Variants in ZNF707 observed in about 807,000 individuals in gnomAD.
The protein encoded by ZNF707 is zinc finger protein 707.
In ZNF707, 8 loss-of-function variants were observed where a neutral mutation model predicts 13.3. That is an observed-to-expected ratio of 0.60 (90% CI 0.35 to 1.09). The LOEUF (loss-of-function observed/expected upper bound fraction) is 1.09. ZNF707 is among the 50% of genes least tolerant of loss of function. ZNF707 has a pLI of 0.02. For synonymous variants in ZNF707, 225 were observed against 205.6 expected (o/e 1.09, Z -0.81); for missense variants, 530 against 512.6 (o/e 1.03, Z -0.33).
At chr8:143,690,783 G>A (rs375186870) in intron 3 of ZNF707, 26 of 463,738 alleles carry the variant, frequency 5.6e-5, no homozygotes, top group African/African-American at 5.1e-4. Context: ...ATTGTGCTGT[G>A]TTCACGCGTG....
chr8:143,691,438 TC>T, intron 4 of ZNF707, 161 bp from the exon 5 acceptor site: 1 of 1,012,700 alleles, frequency 9.9e-7, no homozygotes, highest in Non-Finnish European at 1.4e-6. Flanking sequence ...GGCCTTGGTG[TC>T]CAGGCCCCTC....
Position 143,693,670 on chromosome 8 carries a change from G to C in ZNF707, c.257-1G>C. 1.3e-6 allele frequency: 2 copies of C among 1,573,354 alleles called. No homozygotes were observed. Among genetic ancestry groups the C allele is most frequent in the Non-Finnish European group, 1.7e-6 (2 of 1,161,300 alleles). ...TGTAAGGGTGTCTGTTCCTTCCACA[G>C]GGGCAAGGAAGTCTGCAGACCCCAA... On this transcript the variant is annotated splice_acceptor_variant, in intron 5 of 5. Coordinates refer to ENST00000358656, the MANE Select transcript of ZNF707 (RefSeq NM_001100598.2). LOFTEE classifies it high-confidence loss of function. This position sits in a 1 kb window ranked among gnomAD's most constrained non-coding sequence, Gnocchi z 4.1.
At chr8:143,686,438 T>C (rs1329102310) in intron 1 of ZNF707, among the ~76,000 whole-genome samples, 2 of 152,322 alleles carry the variant, frequency 1.3e-5, no homozygotes, top group African/African-American at 4.8e-5. Flanking sequence ...GGTGTTCTAA[T>C]TGGAAAACAC....
chr8:143,689,982 G>C (rs1398413010), intron 2 of ZNF707, 75 bp from the exon 3 acceptor site: 8 of 237,244 alleles, frequency 3.4e-5, no homozygotes, highest in African/African-American at 7.7e-5. Flanking sequence ...TTTGCTGAGT[G>C]GGGGGGCTCC....
chr8:143,692,026 C>A, intron 5 of ZNF707: 1 of 1,415,676 alleles, frequency 7.1e-7, no homozygotes, highest in Non-Finnish European at 9.3e-7. Context: ...CCGGCGGAGG[C>A]CATTGGTGTG....
At chr8:143,691,330 T>G (rs1327569645) in intron 4 of ZNF707, 131 bp downstream of exon 4, 2 of 1,410,776 alleles carry the variant, frequency 1.4e-6, no homozygotes, top group East Asian at 5.0e-5. Context: ...CTAGAAGTTA[T>G]TGGCTTATGT....
intron 1 of ZNF707, among the ~76,000 whole-genome samples, chr8:143,685,541 A>T (rs1816180980): frequency 6.6e-6 from 1 of 151,032 alleles, no homozygotes; most frequent in Non-Finnish European, 1.5e-5. Context: ...AAAAAAAAAA[A>T]AAAAAAAGGT....
In ZNF707 at chr8:143,690,103, G is replaced by A. The variant is rs1554613097; in HGVS notation, c.-6G>A. On this transcript the variant is annotated 5_prime_UTR_variant, in exon 3 of 6. Coordinates refer to ENST00000358656, the MANE Select transcript of ZNF707 (RefSeq NM_001100598.2). Reference sequence around the variant, plus strand: ...GCTTCCCCAGAGGGGTGGCCTCGCTGTTCCCATGGACATGGCCCAGGTGAG... The same window carrying A: ...GCTTCCCCAGAGGGGTGGCCTCGCTATTCCCATGGACATGGCCCAGGTGAG... 1.2e-6 allele frequency: 2 copies of A among 1,608,256 alleles called. No individual in the cohort carries two copies. Among genetic ancestry groups the A allele is most frequent in the African/African-American group, 2.7e-5 (2 of 74,924 alleles).
At chr8:143,686,288 T>A (rs1816263777) in intron 1 of ZNF707, among the ~76,000 whole-genome samples, 1 of 152,120 alleles carries the variant, frequency 6.6e-6, no homozygotes, top group Admixed American at 6.5e-5. Flanking sequence ...GCCAGGCTGG[T>A]CTCGAACTTC....
chr8:143,690,438 C>T, intron 3 of ZNF707: 1 of 344,784 alleles, frequency 2.9e-6, no homozygotes, highest in South Asian at 5.9e-5. Context: ...GGGCACGCAC[C>T]TGTAGGCCCA....
chr8:143,686,627 A>G (rs1453123778), intron 1 of ZNF707, among the ~76,000 whole-genome samples: 1 of 151,936 alleles, frequency 6.6e-6, no homozygotes, highest in Admixed American at 6.6e-5. Flanking sequence ...TATTGGGAAT[A>G]TTTTCTCTTA....
chr8:143,691,532 C>T (rs2131529089), intron 4 of ZNF707, 68 bp from the exon 5 acceptor site: 1 of 1,491,490 alleles, frequency 6.7e-7, no homozygotes, highest in South Asian at 1.3e-5. Context: ...TGCACAACTG[C>T]TCTGAGCCTC....
chr8:143,690,517 C>T (rs782421720), intron 3 of ZNF707: 5 of 221,224 alleles, frequency 2.3e-5, no homozygotes, highest in South Asian at 1.3e-4. Context: ...GAGCCAAGAT[C>T]GTGCCACCAC....
At chr8:143,686,097 G>T (rs542122445) in intron 1 of ZNF707, among the ~76,000 whole-genome samples, 33 of 151,054 alleles carry the variant, frequency 2.2e-4, no homozygotes, top group African/African-American at 6.1e-4. Context: ...TTTTTTTTTT[G>T]TTTTTGTTTT....
chr8:143,691,379 T>G, intron 4 of ZNF707, 180 bp downstream of exon 4: 1 of 1,199,378 alleles, frequency 8.3e-7, no homozygotes, highest in Non-Finnish European at 1.1e-6. Context: ...TCGGGCTCCC[T>G]GGAGGCAGCC....
Position 143,694,685 on chromosome 8 carries a change from T to C in ZNF707, c.*155T>C. 1.2e-6 allele frequency: 1 copy of C among 844,846 alleles called. No individual in the cohort carries two copies. The highest frequency in any genetic ancestry group is 3.7e-4 in the Middle Eastern group (1 of 2,702). The allele number at this position is 844,846 out of a possible 1,614,324, so 52.3% of individuals were successfully genotyped here. A position where few individuals can be genotyped will look rare whatever the true frequency, so the allele number is the denominator to read the frequency against. Reference sequence around the variant, plus strand: ...CTCCCCAGTCCCCCGAGAAGTTTACTGGGAAAACTGCCAGGTGGGAGAAGC... The same window carrying C: ...CTCCCCAGTCCCCCGAGAAGTTTACCGGGAAAACTGCCAGGTGGGAGAAGC... On this transcript the variant is annotated 3_prime_UTR_variant, in exon 6 of 6. Coordinates refer to ENST00000358656, the MANE Select transcript of ZNF707 (RefSeq NM_001100598.2). This position sits in a 1 kb window ranked among gnomAD's most constrained non-coding sequence, Gnocchi z 4.4.
intron 1 of ZNF707, among the ~76,000 whole-genome samples, chr8:143,685,233 A>C (rs1212560700): frequency 6.6e-6 from 1 of 152,152 alleles, no homozygotes; most frequent in Non-Finnish European, 1.5e-5. Context: ...TCTTTTATAA[A>C]ATGTAGCTTA....
At chr8:143,688,851 C>T (rs1398313389) in intron 1 of ZNF707, 1 of 152,130 alleles carries the variant, frequency 6.6e-6, no homozygotes, top group East Asian at 1.9e-4. Context: ...CTGCTGGGCT[C>T]GAACAGTCCT....
Position 143,693,808 on chromosome 8 carries a change from C to A in ZNF707, c.394C>A (p.Gln132Lys), listed in dbSNP as rs1554614330. The change falls in exon 6 of 6, where the codon CAG (glutamine) becomes AAG (lysine). Residue 132 changes from glutamine (Q) to lysine (K), a missense_variant. Gln to Lys is a moderately conservative substitution (Grantham distance 53). Coordinates refer to ENST00000358656, the MANE Select transcript of ZNF707 (RefSeq NM_001100598.2). This position sits in a 1 kb window ranked among gnomAD's most constrained non-coding sequence, Gnocchi z 4.1. Reference protein sequence around the residue: ...KGFRLDTDDGQLPRAAPERTD... With the variant: ...KGFRLDTDDGKLPRAAPERTD... ...CTTCAGGCTGGACACGGATGACGGG[C>A]AGCTTCCCAGAGCTGCTCCAGAAAG... The A allele has an allele frequency of 6.2e-7, 1 of 1,612,810 alleles. No individual in the cohort carries two copies. Among genetic ancestry groups the A allele is most frequent in the Admixed American group, 1.7e-5 (1 of 60,018 alleles).
Sources: allele counts gnomAD v4.1 joint callset (sites outside exome capture counted in the v4.1 genomes callset), GRCh38; gene constraint gnomAD v4.1.1; non-coding constraint Gnocchi (gnomAD v3.1); transcripts MANE v1.5; gene names NCBI Gene and HGNC (gene_info 2026-07-23, HGNC 2026-07-21).